KIAA0825: variants seen among roughly 807,000 people sequenced by gnomAD.
KIAA0825 encodes KIAA0825.
KIAA0825 carries 119 observed loss-of-function variants against 147.6 expected under a neutral mutation model. The ratio of observed to expected loss-of-function variants is 0.81; its 90% confidence interval spans 0.69 to 0.94. The LOEUF (loss-of-function observed/expected upper bound fraction) is 0.94. KIAA0825 is among the 40% of genes least tolerant of loss of function. The probability of loss-of-function intolerance (pLI) is 0.00; values close to 1 mark genes in which losing one functional copy is unlikely to be tolerated. For synonymous variants in KIAA0825, 470 were observed against 518.1 expected (o/e 0.91, Z 1.26); for missense variants, 1,381 against 1,472.7 (o/e 0.94, Z 1.02).
At chr5:94,453,482 C>T (rs183536253) in intron 12 of KIAA0825, among the ~76,000 whole-genome samples, 26 of 151,892 alleles carry the variant, frequency 1.7e-4, no homozygotes, top group Admixed American at 7.2e-4. Flanking sequence ...CCACTGTGCC[C>T]GGCTCAGTTA....
intron 20 of KIAA0825, among the ~76,000 whole-genome samples, chr5:94,235,130 A>G (rs926337276): frequency 3.9e-5 from 6 of 152,218 alleles, no homozygotes; most frequent in South Asian, 2.1e-4. Context: ...ATCAAAAGCT[A>G]GAAATGATTA....
intron 13 of KIAA0825, among the ~76,000 whole-genome samples, chr5:94,447,870 C>G (rs1314946245): frequency 1.3e-5 from 2 of 152,000 alleles, no homozygotes; most frequent in African/African-American, 4.8e-5. Flanking sequence ...ATCAAAGCAT[C>G]ATGTTGTCAC....
intron 2 of KIAA0825, among the ~76,000 whole-genome samples, chr5:94,561,885 GATA>G (rs1171672686): frequency 1.3e-5 from 2 of 152,074 alleles, no homozygotes; most frequent in African/African-American, 4.8e-5. Flanking sequence ...CACCAATGTA[GATA>G]ATACTATTTA....
intron 3 of KIAA0825, among the ~76,000 whole-genome samples, chr5:94,534,578 C>T (rs1310959728): frequency 1.3e-5 from 2 of 152,044 alleles, no homozygotes; most frequent in African/African-American, 4.8e-5. Context: ...AAAATTATAT[C>T]CTATGTTCCA....
intron 1 of KIAA0825, among the ~76,000 whole-genome samples, chr5:94,609,767 T>C (rs1295473431): frequency 6.6e-6 from 1 of 152,078 alleles, no homozygotes; most frequent in Non-Finnish European, 1.5e-5. Flanking sequence ...TCAGCCAAGA[T>C]TGTGCCACTG....
At chr5:94,528,373 A>G (rs894167178) in intron 3 of KIAA0825, among the ~76,000 whole-genome samples, 1 of 152,186 alleles carries the variant, frequency 6.6e-6, no homozygotes, top group Admixed American at 6.6e-5. Flanking sequence ...ATTTGTTGTT[A>G]TATACCACGG....
At chr5:94,366,263 C>T (rs1472845409) in intron 20 of KIAA0825, among the ~76,000 whole-genome samples, 2 of 152,314 alleles carry the variant, frequency 1.3e-5, no homozygotes, top group East Asian at 3.9e-4. Flanking sequence ...ATCTAGGCAG[C>T]GGGTAAAGTG....
chr5:94,171,178 T>C (rs918125547), intron 20 of KIAA0825, among the ~76,000 whole-genome samples: 5 of 152,148 alleles, frequency 3.3e-5, no homozygotes, highest in Admixed American at 2.0e-4. Flanking sequence ...GAATTATGGG[T>C]GCAGGTCTTT....
intron 20 of KIAA0825, among the ~76,000 whole-genome samples, chr5:94,176,916 C>A (rs993575318): frequency 1.3e-5 from 2 of 152,088 alleles, no homozygotes; most frequent in African/African-American, 4.8e-5. Flanking sequence ...GGTTAGTTCT[C>A]TCAGTAAGTA....
intron 14 of KIAA0825, among the ~76,000 whole-genome samples, chr5:94,437,082 C>T (rs962180697): frequency 2.6e-5 from 4 of 152,118 alleles, no homozygotes; most frequent in Admixed American, 2.6e-4. Flanking sequence ...ATATATAATT[C>T]AGAGTATTTT....
intron 14 of KIAA0825, among the ~76,000 whole-genome samples, chr5:94,419,376 C>A (rs1336065272): frequency 1.3e-5 from 2 of 152,186 alleles, no homozygotes; most frequent in Admixed American, 6.5e-5. Context: ...ATAAAATTAT[C>A]CATTATCCTC....
chr5:94,231,458 G>A (rs999101511), intron 20 of KIAA0825, among the ~76,000 whole-genome samples: 2 of 152,078 alleles, frequency 1.3e-5, no homozygotes, highest in African/African-American at 2.4e-5. Flanking sequence ...TCTTTCAAAC[G>A]TGAATCAAAC....
chr5:94,362,175 G>T (rs1172115980), intron 20 of KIAA0825, among the ~76,000 whole-genome samples: 2 of 152,176 alleles, frequency 1.3e-5, no homozygotes, highest in Non-Finnish European at 2.9e-5. Flanking sequence ...CATAGGTCCT[G>T]CAATTGCTTA....
intron 20 of KIAA0825, among the ~76,000 whole-genome samples, chr5:94,252,692 G>A (rs1425506491): frequency 2.0e-5 from 3 of 151,762 alleles, no homozygotes; most frequent in Admixed American, 2.0e-4. Flanking sequence ...CCATTTACAG[G>A]GAACCTCATT....
At chr5:94,426,214 C>A (rs1754862928) in intron 14 of KIAA0825, among the ~76,000 whole-genome samples, 1 of 151,554 alleles carries the variant, frequency 6.6e-6, no homozygotes, top group Admixed American at 6.6e-5. Context: ...AGATATCTAC[C>A]CAAAGGAAAA....
At chr5:94,356,362 C>T (rs1242398554) in intron 20 of KIAA0825, among the ~76,000 whole-genome samples, 1 of 151,964 alleles carries the variant, frequency 6.6e-6, no homozygotes, top group Non-Finnish European at 1.5e-5. Flanking sequence ...AATCCCAGCA[C>T]TTTGGGAGGC....
intron 1 of KIAA0825, among the ~76,000 whole-genome samples, chr5:94,596,619 A>G (rs2152407789): frequency 6.6e-6 from 1 of 152,312 alleles, no homozygotes; most frequent in East Asian, 1.9e-4. Flanking sequence ...GAAGAATGTC[A>G]TTGGTAGTTT....
At chr5:94,613,609 TAGGG>T (rs1187261867) in intron 1 of KIAA0825, among the ~76,000 whole-genome samples, 1 of 152,232 alleles carries the variant, frequency 6.6e-6, no homozygotes, top group Admixed American at 6.5e-5. Flanking sequence ...GTACTCAATC[TAGGG>T]AGGTCAGTAG....
chr5:94,594,751 A>C (rs577569558), intron 1 of KIAA0825: 9 of 620,206 alleles, frequency 1.5e-5, no homozygotes, highest in Middle Eastern at 4.9e-4. Context: ...GCTTGGATGG[A>C]CTACCTGAGA....
Sources: allele counts gnomAD v4.1 joint callset (sites outside exome capture counted in the v4.1 genomes callset), GRCh38; gene constraint gnomAD v4.1.1; transcripts MANE v1.5; gene names NCBI Gene and HGNC (gene_info 2026-07-23, HGNC 2026-07-21).